PARM1: variants seen among roughly 807,000 people sequenced by gnomAD.
PARM1 encodes WSC4, cell wall integrity and stress response component 4 homolog.
In PARM1, 14 loss-of-function variants were observed where a neutral mutation model predicts 24.6. The observed-to-expected ratio is 0.57, with a 90% CI of 0.38 to 0.89. PARM1 has a LOEUF of 0.89. Ranked by LOEUF, PARM1 falls within the 40% of genes least tolerant of loss-of-function variation. PARM1 has a pLI of 0.00. For missense variants in PARM1, 362 were observed against 380.4 expected (o/e 0.95, Z 0.40); for synonymous variants, 179 against 156.6 (o/e 1.14, Z -1.07).
intron 1 of PARM1, chr4:74,969,526 G>A (rs1721980139): frequency 6.6e-6 from 1 of 152,154 alleles, no homozygotes; most frequent in African/African-American, 2.4e-5. Context: ...AGGCAGAGAG[G>A]GCACACAGCC....
At chr4:74,947,490 G>T (rs1400813230) in intron 1 of PARM1, among the ~76,000 whole-genome samples, 12 of 152,094 alleles carry the variant, frequency 7.9e-5, no homozygotes, top group Non-Finnish European at 1.5e-5. Flanking sequence ...AACCAAAACT[G>T]CAATAATAAA....
chr4:75,012,356 G>A, intron 1 of PARM1, 69 bp from the exon 2 acceptor site: 1 of 1,517,740 alleles, frequency 6.6e-7, no homozygotes, highest in Non-Finnish European at 9.0e-7. Flanking sequence ...GTGGGTAAAA[G>A]CCTTGCCTCT....
chr4:75,014,892 C>T (rs1722951967), intron 2 of PARM1, among the ~76,000 whole-genome samples: 2 of 152,292 alleles, frequency 1.3e-5, no homozygotes, highest in South Asian at 4.1e-4. Context: ...CCCAGGTTCC[C>T]AGCATGAAGG....
intron 1 of PARM1, among the ~76,000 whole-genome samples, chr4:74,963,411 A>G (rs932325874): frequency 6.6e-6 from 1 of 152,236 alleles, no homozygotes; most frequent in African/African-American, 2.4e-5. Context: ...ACCCATGTAC[A>G]TCAGCAGATA....
intron 1 of PARM1, among the ~76,000 whole-genome samples, chr4:74,960,918 T>C (rs1208302605): frequency 1.3e-5 from 2 of 149,088 alleles, no homozygotes; most frequent in Non-Finnish European, 3.0e-5. Context: ...GGCAGGAGAA[T>C]GGCGTGAACC....
At chr4:74,939,737 A>G (rs1721266023) in intron 1 of PARM1, among the ~76,000 whole-genome samples, 1 of 152,214 alleles carries the variant, frequency 6.6e-6, no homozygotes, top group Non-Finnish European at 1.5e-5. Flanking sequence ...AAATCCTTTG[A>G]TCAATTGAAC....
At chr4:75,044,717 A>T (rs765853154) in intron 3 of PARM1, among the ~76,000 whole-genome samples, 2 of 152,142 alleles carry the variant, frequency 1.3e-5, no homozygotes, top group Non-Finnish European at 2.9e-5. Context: ...CACTTCTGAT[A>T]AACATACCCG....
rs1723605194 is a variant in PARM1 at position 75,046,434 on chromosome 4, C to T, written c.*187C>T. The T allele has an allele frequency of 3.9e-6, 2 of 507,400 alleles. No individual in the cohort carries two copies. The highest frequency in any genetic ancestry group is 6.5e-5 in the Admixed American group (2 of 30,740). The allele number at this position is 507,400 out of a possible 1,614,324, so 31.4% of individuals were successfully genotyped here. ...TTCCCCTTTCTGGTACAAGAAGAAC[C>T]ATTCTTTAAAGGTGAGTGGAGGCTG... On this transcript the variant is annotated 3_prime_UTR_variant, in exon 4 of 4. Transcript: ENST00000307428.
At chr4:75,021,585 A>G (rs960149292) in intron 2 of PARM1, among the ~76,000 whole-genome samples, 1 of 148,296 alleles carries the variant, frequency 6.7e-6, no homozygotes. Flanking sequence ...CGCTATAGTT[A>G]GTTTTTTTTT....
At chr4:75,019,223 T>A (rs1161656929) in intron 2 of PARM1, among the ~76,000 whole-genome samples, 1 of 152,234 alleles carries the variant, frequency 6.6e-6, no homozygotes, top group Non-Finnish European at 1.5e-5. Flanking sequence ...ACAGTGTGTG[T>A]TTGACTCCCT....
At chr4:74,949,835 CTTT>C (rs746995341) in intron 1 of PARM1, among the ~76,000 whole-genome samples, 3 of 135,766 alleles carry the variant, frequency 2.2e-5, no homozygotes, top group African/African-American at 5.3e-5. Flanking sequence ...GCCTCTTACT[CTTT>C]TTTTTTTTTT....
At chr4:75,016,999 T>A (rs1723001739) in intron 2 of PARM1, among the ~76,000 whole-genome samples, 1 of 152,206 alleles carries the variant, frequency 6.6e-6, no homozygotes, top group South Asian at 2.1e-4. Flanking sequence ...TCTCAGCCTG[T>A]GCCCCTTGAT....
At chr4:74,960,957 A>T (rs1721760818) in intron 1 of PARM1, among the ~76,000 whole-genome samples, 1 of 151,472 alleles carries the variant, frequency 6.6e-6, no homozygotes, top group African/African-American at 2.4e-5. Flanking sequence ...GTGAGCCAAG[A>T]TTGCGCCACT....
At chr4:74,993,585 A>G (rs1722519000) in intron 1 of PARM1, among the ~76,000 whole-genome samples, 2 of 152,324 alleles carry the variant, frequency 1.3e-5, no homozygotes, top group South Asian at 4.1e-4. Flanking sequence ...ATATATGAGG[A>G]TCAAAATAAA....
intron 3 of PARM1, among the ~76,000 whole-genome samples, chr4:75,040,375 A>G (rs538274202): frequency 6.6e-6 from 1 of 152,344 alleles, no homozygotes; most frequent in African/African-American, 2.4e-5. Context: ...TGCCCCTTCA[A>G]AGCAAAGGTA....
chr4:74,934,696 G>C lies in PARM1; in HGVS notation c.43+1326G>C, dbSNP rs1034251916. Among the ~76,000 whole-genome samples, 5 of 152,288 alleles carry C rather than the reference G, an allele frequency of 3.3e-5. 1 individual carries two copies. The highest frequency in any genetic ancestry group is 3.3e-4 in the Admixed American group (5 of 15,294). Reference sequence around the variant, plus strand: ...GAGCCTAGGTCCGGCAGGTGCAATAGGCAGCGGAGCTCCCGGCTGGCTGCG... The same window carrying C: ...GAGCCTAGGTCCGGCAGGTGCAATACGCAGCGGAGCTCCCGGCTGGCTGCG... On this transcript the variant is annotated intron_variant, in intron 1 of 3. Coordinates refer to ENST00000307428, the MANE Select transcript of PARM1 (RefSeq NM_015393.4).
At chr4:75,008,974 A>T (rs955883252) in intron 1 of PARM1, among the ~76,000 whole-genome samples, 2 of 152,036 alleles carry the variant, frequency 1.3e-5, no homozygotes, top group African/African-American at 4.8e-5. Flanking sequence ...CAGCTGCCAG[A>T]ATGCAAAGCC....
intron 1 of PARM1, among the ~76,000 whole-genome samples, chr4:74,954,247 T>A (rs1333910642): frequency 6.6e-6 from 1 of 152,084 alleles, no homozygotes; most frequent in Non-Finnish European, 1.5e-5. Flanking sequence ...CAGCGTTGAG[T>A]TTTTGGGTTT....
intron 2 of PARM1, among the ~76,000 whole-genome samples, chr4:75,016,004 G>GT (rs1722979129): frequency 6.6e-6 from 1 of 152,152 alleles, no homozygotes; most frequent in African/African-American, 2.4e-5. Context: ...TTCTGTGTGG[G>GT]TTCACGTAGT....
Sources: gnomAD v4.1 joint callset for allele counts (sites outside exome capture counted in the v4.1 genomes callset) on GRCh38, gnomAD v4.1.1 for gene constraint, MANE v1.5 for transcripts, NCBI Gene and HGNC (gene_info 2026-07-23, HGNC 2026-07-21) for gene names.